ZNF775: variants seen among roughly 807,000 people sequenced by gnomAD.
ZNF775 encodes the protein zinc finger protein 775.
ZNF775 carries 1 observed loss-of-function variant against 2.4 expected under a neutral mutation model. The ratio of observed to expected loss-of-function variants is 0.41; its 90% CI spans 0.15 to 1.94. The LOEUF (loss-of-function observed/expected upper bound fraction) is 1.94. ZNF775 is among the 30% of genes most tolerant of loss of function. ZNF775 has a pLI of 0.30. For missense variants in ZNF775, 823 were observed against 826.6 expected (o/e 1.00, Z 0.05); for synonymous variants, 381 against 373.3 (o/e 1.02, Z -0.24).
chr7:150,381,599 A>G (rs1383153467), intron 1 of ZNF775, among the ~76,000 whole-genome samples: 2 of 125,304 alleles, frequency 1.6e-5, no homozygotes, highest in Non-Finnish European at 3.1e-5. Flanking sequence ...ATTCTGTACC[A>G]CGAGCAAGCG....
In ZNF775 at chr7:150,388,555, C is replaced by T. The variant is rs868165501; in HGVS notation, c.31+54C>T. The T allele has an allele frequency of 7.2e-5, 111 of 1,547,536 alleles. 2 individuals carry two copies. The Middle Eastern group carries it at 1.5e-3, about 21-fold the overall frequency. On this transcript the variant is annotated intron_variant, in intron 2 of 2. Coordinates refer to ENST00000329630, the MANE Select transcript of ZNF775 (RefSeq NM_173680.4). ...AGCGGGGTCTCCTCTGCTGAGGTCACGTGCCCTTATCTTTTCTAAAGCCAG... is the reference window on the plus strand; with the variant it reads ...AGCGGGGTCTCCTCTGCTGAGGTCATGTGCCCTTATCTTTTCTAAAGCCAG...
intron 2 of ZNF775, among the ~76,000 whole-genome samples, chr7:150,392,773 A>G (rs966918800): frequency 1.3e-5 from 2 of 152,204 alleles, no homozygotes; most frequent in East Asian, 1.9e-4. Flanking sequence ...CACTTAAGCA[A>G]TCCTCCTGCC....
chr7:150,389,817 C>A (rs1370352739), intron 2 of ZNF775, among the ~76,000 whole-genome samples: 1 of 151,864 alleles, frequency 6.6e-6, no homozygotes, highest in East Asian at 1.9e-4. Flanking sequence ...GTTTTTCAGA[C>A]AATTGACAGC....
At chr7:150,379,998 G>C (rs559816917) in intron 1 of ZNF775, 38 of 152,330 alleles carry the variant, frequency 2.5e-4, no homozygotes, top group African/African-American at 8.7e-4. Context: ...CCGCGAACTC[G>C]GTGGGGCGGG....
chr7:150,390,877 G>A lies in ZNF775; in HGVS notation c.31+2376G>A, dbSNP rs551229126. On this transcript the variant is annotated intron_variant, in intron 2 of 2. Transcript: ENST00000329630. ...TAATTTTAATAAACACTGTCAGATCGTCCTCCACAAATTCTGCCTCAGTTT... is the reference window on the plus strand; with the variant it reads ...TAATTTTAATAAACACTGTCAGATCATCCTCCACAAATTCTGCCTCAGTTT... Among the ~76,000 whole-genome samples, 6 of 152,284 alleles carry A rather than the reference G, an allele frequency of 3.9e-5. No individual in the cohort carries two copies. In the East Asian group the frequency reaches 5.8e-4, roughly 15 times the overall value.
chr7:150,397,028 A>G lies in ZNF775; in HGVS notation c.547A>G (p.Lys183Glu). The change falls in exon 3 of 3, where the codon AAG becomes GAG. Residue 183 changes from lysine to glutamate, a missense_variant. Lys to Glu is a moderately conservative substitution (Grantham distance 56). Transcript: ENST00000329630. ...SQKQHLLKHQ[K>E]THSRPATHSC... ...GAAGCAGCACCTGCTCAAGCACCAG[A>G]AGACCCACTCCCGGCCCGCCACCCA... 4 of 1,592,992 alleles carry G rather than the reference A, an allele frequency of 2.5e-6. No homozygotes were observed. Among genetic ancestry groups the G allele is most frequent in the Non-Finnish European group, 2.5e-6 (3 of 1,176,480 alleles).
chr7:150,381,944 A>C (rs1011990863), intron 1 of ZNF775, among the ~76,000 whole-genome samples: 2 of 122,366 alleles, frequency 1.6e-5, no homozygotes, highest in Non-Finnish European at 3.4e-5. Context: ...GGAGAGGAGC[A>C]GGGTGGGTCA....
intron 1 of ZNF775, among the ~76,000 whole-genome samples, chr7:150,386,307 C>T (rs1266495270): frequency 6.6e-6 from 1 of 152,182 alleles, no homozygotes; most frequent in East Asian, 1.9e-4. Context: ...TAAAGATTCA[C>T]ATGCATCTCA....
chr7:150,386,957 A>G (rs1800463909), intron 1 of ZNF775, among the ~76,000 whole-genome samples: 1 of 152,110 alleles, frequency 6.6e-6, no homozygotes, highest in African/African-American at 2.4e-5. Flanking sequence ...GGTGGCAAAA[A>G]TGTTAGAGAG....
intron 1 of ZNF775, among the ~76,000 whole-genome samples, chr7:150,383,399 G>T (rs1303910547): frequency 6.6e-6 from 1 of 152,212 alleles, no homozygotes; most frequent in Non-Finnish European, 1.5e-5. Flanking sequence ...GGGACGCGCA[G>T]GTGTGGGAGC....
At chr7:150,381,574 C>A (rs1163476371) in intron 1 of ZNF775, among the ~76,000 whole-genome samples, 1 of 151,686 alleles carries the variant, frequency 6.6e-6, no homozygotes, top group Non-Finnish European at 1.5e-5. Context: ...CGCCCCCGCC[C>A]CACTTGATAT....
chr7:150,394,633 T>TTCTC lies in ZNF775; in HGVS notation c.32-1865_32-1862dup, dbSNP rs141275634. Reference sequence around the variant, plus strand: ...TATTCTTAGTTTGCTAGGAGCTTTCTTCTCTCTCTCTCTCTCTCCCTCCCT... The same window carrying TTCTC: ...TATTCTTAGTTTGCTAGGAGCTTTCTTCTCTCTCTCTCTCTCTCTCTCCCTCCCT... On this transcript the variant is annotated intron_variant, in intron 2 of 2. Coordinates refer to ENST00000329630, the MANE Select transcript of ZNF775 (RefSeq NM_173680.4). Among the ~76,000 whole-genome samples, 85 of 150,490 alleles carry TTCTC rather than the reference T, an allele frequency of 5.6e-4. 1 individual carries two copies. The East Asian group carries it at 0.012, about 21-fold the overall frequency.
At chr7:150,391,420 A>C (rs1402402693) in intron 2 of ZNF775, among the ~76,000 whole-genome samples, 7 of 152,164 alleles carry the variant, frequency 4.6e-5, no homozygotes, top group Admixed American at 2.6e-4. Flanking sequence ...AGGCAGGAGA[A>C]TCACTTGAAC....
At position 150,397,875 on chromosome 7, in the gene ZNF775, A is replaced by C; in HGVS notation, c.1394A>C (p.Gln465Pro). Residue 465 changes from glutamine (Q) to proline (P), a missense_variant, in exon 3 of 3, where the codon CAG becomes CCG. By Grantham distance (76) the Gln-to-Pro change is moderately conservative. Transcript: ENST00000329630. ...TGGTGGTCGGCGCTCACCATCCACC[A>C]GCGCATCCACACGGGTGAGCGGCCC... Reference protein sequence around the residue: ...FSWWSALTIHQRIHTGERPYP... With the variant: ...FSWWSALTIHPRIHTGERPYP... The C allele has an allele frequency of 1.2e-6, 2 of 1,603,436 alleles. No individual in the cohort carries two copies. The highest frequency in any genetic ancestry group is 1.7e-6 in the Non-Finnish European group (2 of 1,178,554).
At chr7:150,385,214 A>G (rs953436667) in intron 1 of ZNF775, among the ~76,000 whole-genome samples, 1 of 152,204 alleles carries the variant, frequency 6.6e-6, no homozygotes, top group African/African-American at 2.4e-5. Flanking sequence ...TCTGCACCAC[A>G]AGCAGGTTCT....
chr7:150,397,743 G>A lies in ZNF775; in HGVS notation c.1262G>A (p.Arg421Gln), dbSNP rs1452599368. 3 of 1,467,124 alleles carry A rather than the reference G, an allele frequency of 2.0e-6. No individual in the cohort carries two copies. The highest frequency in any genetic ancestry group is 2.7e-5 in the South Asian group (2 of 74,894). 90.9% of individuals were successfully genotyped at this position (1,467,124 alleles called of 1,614,324 possible). A position where few individuals can be genotyped will look rare whatever the true frequency, so the allele number is the denominator to read the frequency against. ...GCCGCGAGGCCGCGGAGCTCCCAAC[G>A]GTCCCCGGGGGCCCGGGACACGCTG... The part of the protein sequence containing the change: ...GLAARPRSSQ[R>Q]SPGARDTLWG... Residue 421 changes from arginine (R) to glutamine (Q), a missense_variant, in exon 3 of 3, where the codon CGG becomes CAG. Transcript: ENST00000329630.
At chr7:150,388,790 G>A (rs1054507442) in intron 2 of ZNF775, among the ~76,000 whole-genome samples, 13 of 152,208 alleles carry the variant, frequency 8.5e-5, no homozygotes, top group African/African-American at 2.2e-4. Context: ...TGTTATTTAC[G>A]TGCTAGAACA....
intron 2 of ZNF775, among the ~76,000 whole-genome samples, chr7:150,396,194 C>T (rs759984257): frequency 6.6e-6 from 1 of 152,128 alleles, no homozygotes; most frequent in Non-Finnish European, 1.5e-5. Flanking sequence ...GCAGAGCAGC[C>T]GGTGCCTCGG....
Position 150,396,493 on chromosome 7 carries a change from C to T in ZNF775, c.32-20C>T. 6.4e-7 allele frequency: 1 copy of T among 1,564,708 alleles called. No individual in the cohort carries two copies. The highest frequency in any genetic ancestry group is 8.6e-7 in the Non-Finnish European group (1 of 1,158,036). On this transcript the variant is annotated intron_variant, in intron 2 of 2. Coordinates refer to ENST00000329630, the MANE Select transcript of ZNF775 (RefSeq NM_173680.4). ...CAGCAGTGACCTCTCTCCCTCCTCTCTCCCGCTTGCCTCTGGCAGGAGCTG... is the reference window on the plus strand; with the variant it reads ...CAGCAGTGACCTCTCTCCCTCCTCTTTCCCGCTTGCCTCTGGCAGGAGCTG...
Sources: allele counts gnomAD v4.1 joint callset (sites outside exome capture counted in the v4.1 genomes callset), GRCh38; gene constraint gnomAD v4.1.1; transcripts MANE v1.5; gene names NCBI Gene and HGNC (gene_info 2026-07-23, HGNC 2026-07-21).